SAMTOR: variants seen among roughly 807,000 people sequenced by gnomAD.
SAMTOR encodes the protein S-adenosylmethionine sensor upstream of mTORC1.
the SAMTOR span, among the ~76,000 whole-genome samples, chr7:112,827,808 A>G: frequency 1.2e-4 from 19 of 152,170 alleles, no homozygotes; most frequent in Non-Finnish European, 2.4e-4. Context: ...TGCAGCCTCA[A>G]CCTCCAGGGC....
At chr7:112,933,215 A>T in the SAMTOR span, among the ~76,000 whole-genome samples, 2 of 152,250 alleles carry the variant, frequency 1.3e-5, no homozygotes, top group African/African-American at 4.8e-5. Flanking sequence ...GTACTGTATG[A>T]TAAAACAGCA....
the SAMTOR span, chr7:112,939,657 CCA>C: frequency 1.2e-6 from 2 of 1,613,886 alleles, no homozygotes; most frequent in Non-Finnish European, 1.7e-6. Context: ...TTCTCCTGCT[CCA>C]GTTTCCGCTC....
chr7:112,905,870 G>A, the SAMTOR span, among the ~76,000 whole-genome samples: 1 of 151,982 alleles, frequency 6.6e-6, no homozygotes, highest in Non-Finnish European at 1.5e-5. Flanking sequence ...ATAAAGCACA[G>A]CTACGTAATA....
At chr7:112,908,032 G>A in the SAMTOR span, among the ~76,000 whole-genome samples, 4 of 152,012 alleles carry the variant, frequency 2.6e-5, no homozygotes, top group African/African-American at 7.2e-5. Flanking sequence ...CACACACAAG[G>A]TTATTCATTA....
the SAMTOR span, among the ~76,000 whole-genome samples, chr7:112,913,896 G>A: frequency 6.6e-6 from 1 of 151,912 alleles, no homozygotes; most frequent in African/African-American, 2.4e-5. Context: ...TTTTCTCATG[G>A]TGCTCACCAC....
At chr7:112,832,545 A>C in the SAMTOR span, 2 of 1,433,714 alleles carry the variant, frequency 1.4e-6, no homozygotes, top group Non-Finnish European at 2.0e-6. Flanking sequence ...AAGTCCAAAA[A>C]CAAAACTATG....
the SAMTOR span, among the ~76,000 whole-genome samples, chr7:112,916,810 G>A: frequency 6.6e-6 from 1 of 152,224 alleles, no homozygotes; most frequent in Non-Finnish European, 1.5e-5. Flanking sequence ...CTGACTCGGA[G>A]GGTCCTACGC....
chr7:112,877,763 G>A, the SAMTOR span, among the ~76,000 whole-genome samples: 231 of 152,246 alleles, frequency 1.5e-3, 1 homozygote, highest in Middle Eastern at 6.8e-3. Flanking sequence ...CACTGCAACA[G>A]TGAGTTCTTG....
the SAMTOR span, among the ~76,000 whole-genome samples, chr7:112,937,228 G>A: frequency 6.6e-6 from 1 of 152,150 alleles, no homozygotes; most frequent in African/African-American, 2.4e-5. Flanking sequence ...TAAATGCTAA[G>A]AGGTTCCTTC....
At chr7:112,922,103 G>A in the SAMTOR span, among the ~76,000 whole-genome samples, 5 of 152,256 alleles carry the variant, frequency 3.3e-5, no homozygotes, top group South Asian at 4.1e-4. Flanking sequence ...TTACAGGCGC[G>A]CGCCGCCACG....
At chr7:112,893,427 T>G in the SAMTOR span, among the ~76,000 whole-genome samples, 1 of 152,212 alleles carries the variant, frequency 6.6e-6, no homozygotes, top group Admixed American at 6.5e-5. Context: ...CAACCTCTGT[T>G]AAGCTTCAAA....
At chr7:112,860,587 C>T in the SAMTOR span, among the ~76,000 whole-genome samples, 1 of 152,026 alleles carries the variant, frequency 6.6e-6, no homozygotes, top group Non-Finnish European at 1.5e-5. Flanking sequence ...AAAACTAAAA[C>T]TAATACAAAT....
chr7:112,827,524 T>A, the SAMTOR span, among the ~76,000 whole-genome samples: 1 of 152,196 alleles, frequency 6.6e-6, no homozygotes, highest in African/African-American at 2.4e-5. Context: ...GTACTAATAT[T>A]ATCACAGTGG....
At chr7:112,881,083 A>T in the SAMTOR span, among the ~76,000 whole-genome samples, 1 of 152,190 alleles carries the variant, frequency 6.6e-6, no homozygotes, top group Non-Finnish European at 1.5e-5. Context: ...CCGCAGGCTC[A>T]GAAGTGCCTG....
chr7:112,890,329 G>A, the SAMTOR span, among the ~76,000 whole-genome samples: 1 of 151,956 alleles, frequency 6.6e-6, no homozygotes, highest in South Asian at 2.1e-4. Flanking sequence ...AGATACTGGT[G>A]CAACCCCTAG....
chr7:112,876,172 C>T, the SAMTOR span, among the ~76,000 whole-genome samples: 3 of 152,162 alleles, frequency 2.0e-5, no homozygotes, highest in Non-Finnish European at 2.9e-5. Context: ...GCTGTCCTAG[C>T]TGGTCTCAAA....
At chr7:112,819,890 A>G in the SAMTOR span, 1 of 152,538 alleles carries the variant, frequency 6.6e-6, no homozygotes. Flanking sequence ...AGCAAACAGT[A>G]TGGTAAAAGG....
the SAMTOR span, among the ~76,000 whole-genome samples, chr7:112,868,704 A>G: frequency 6.6e-6 from 1 of 152,224 alleles, no homozygotes; most frequent in African/African-American, 2.4e-5. Flanking sequence ...TTTTAGTATC[A>G]GTCAGAGACT....
At chr7:112,869,552 A>T in the SAMTOR span, among the ~76,000 whole-genome samples, 6 of 151,996 alleles carry the variant, frequency 3.9e-5, no homozygotes, top group Non-Finnish European at 8.8e-5. Flanking sequence ...TCAACGAAAT[A>T]AAGCATAAAA....
Sources: gnomAD v4.1 joint callset for allele counts (sites outside exome capture counted in the v4.1 genomes callset) on GRCh38, gnomAD v4.1.1 for gene constraint, MANE v1.5 for transcripts, NCBI Gene and HGNC (gene_info 2026-07-23, HGNC 2026-07-21) for gene names.